The following BMI1 variants were observed in gnomAD, a reference collection of about 807,000 sequenced individuals.
BMI1 encodes the protein polycomb complex protein BMI-1.
BMI1 carries 9 observed loss-of-function variants against 39.1 expected under a neutral mutation model. The ratio of observed to expected loss-of-function variants is 0.23; its 90% CI spans 0.14 to 0.40. BMI1 has a LOEUF of 0.40. Among genes scored for constraint, BMI1 ranks in the 10% least tolerant of loss-of-function variants. The pLI, the probability that BMI1 is intolerant of heterozygous loss-of-function variation, is 1.00. For missense variants in BMI1, 252 were observed against 390.8 expected (o/e 0.64, Z 2.99); for synonymous variants, 131 against 127.9 (o/e 1.02, Z -0.16).
At chr10:22,325,761 G>C (rs917068976) in intron 1 of BMI1, 9 of 152,022 alleles carry the variant, frequency 5.9e-5, no homozygotes, top group Non-Finnish European at 8.8e-5. Context: ...ACCGAGGCGA[G>C]TTCCGAATCC....
intron 1 of BMI1, among the ~76,000 whole-genome samples, chr10:22,322,783 C>T (rs979939997): frequency 6.6e-6 from 1 of 152,152 alleles, no homozygotes; most frequent in African/African-American, 2.4e-5. Context: ...CAAAGGGATG[C>T]TTTAGAAAAG....
At chr10:22,328,499 T>G in intron 7 of BMI1, 101 bp from the exon 8 acceptor site, 1 of 1,255,308 alleles carries the variant, frequency 8.0e-7, no homozygotes. Context: ...CACCTCCAAT[T>G]TTGTTTGATA....
At chr10:22,322,514 G>T (rs1383809806) in intron 1 of BMI1, among the ~76,000 whole-genome samples, 4 of 152,224 alleles carry the variant, frequency 2.6e-5, no homozygotes, top group African/African-American at 7.2e-5. Flanking sequence ...TTGGATAAGT[G>T]CTCTGAACAT....
At chr10:22,328,548 T>C in intron 7 of BMI1, 52 bp from the exon 8 acceptor site, 5 of 1,547,718 alleles carry the variant, frequency 3.2e-6, no homozygotes, top group African/African-American at 1.4e-5. Flanking sequence ...ATTGAAACTT[T>C]CTTCATATCT....
In BMI1 at chr10:22,329,426, A is replaced by G; in HGVS notation, c.865A>G (p.Ile289Val). Reference protein sequence around the residue: ...VQSPHPQFPHISSTMNGTSNS... With the variant: ...VQSPHPQFPHVSSTMNGTSNS... ...GTCTCCTCATCCACAGTTTCCTCAC[A>G]TTTCCAGTACTATGAATGGAACCAG... Residue 289 changes from isoleucine to valine, a missense_variant, in exon 10 of 10, where the codon ATT (isoleucine) becomes GTT (valine). Coordinates refer to ENST00000376663, the MANE Select transcript of BMI1 (RefSeq NM_005180.9). 1 of 1,614,134 alleles carries G rather than the reference A, an allele frequency of 6.2e-7. No homozygotes were observed.
At chr10:22,325,748 C>T (rs1382905555) in intron 1 of BMI1, 2 of 151,892 alleles carry the variant, frequency 1.3e-5, no homozygotes, top group Non-Finnish European at 2.9e-5. Context: ...TATGGAAACC[C>T]CGACCGAGGC....
Position 22,329,090 on chromosome 10 carries a change from A to T in BMI1, c.613A>T (p.Thr205Ser). Residue 205 changes from threonine to serine, a missense_variant, in exon 9 of 10, where the codon ACA (threonine) becomes TCA (serine). Thr to Ser is a moderately conservative substitution (Grantham distance 58). Transcript: ENST00000376663. ...YEEEPLKDYYTLMDIAYIYTW... is the reference protein window; with the variant it reads ...YEEEPLKDYYSLMDIAYIYTW... ...GGAGGAACCTTTAAAGGATTATTAT[A>T]CACTAATGGATATTGCCTACATTTA... The T allele has an allele frequency of 6.2e-7, 1 of 1,612,464 alleles. No homozygotes were observed. Among genetic ancestry groups the T allele is most frequent in the Non-Finnish European group, 8.5e-7 (1 of 1,179,436 alleles).
intron 1 of BMI1, chr10:22,325,635 CCGCCCGCCCGCCGCCCCGCA>C (rs1196852796): frequency 5.5e-5 from 8 of 146,494 alleles, no homozygotes; most frequent in Non-Finnish European, 1.1e-4. Flanking sequence ...CCCCGCCCGC[CCGCCCGCCCGCCGCCCCGCA>C]CGCCCGCCGA....
At position 22,324,268 on chromosome 10, in the gene BMI1, CAG is replaced by C. The variant is rs1177114301; in HGVS notation, c.-19-2161_-19-2160del. On this transcript the variant is annotated intron_variant, in intron 1 of 9. Coordinates refer to ENST00000376663, the MANE Select transcript of BMI1 (RefSeq NM_005180.9). ...AGTGCAGTATGCTTTCACAGGCAAA[CAG>C]AAATATCAGCTTGCTATCTTTCTAG... 1.5e-4 allele frequency among the ~76,000 whole-genome samples: 23 copies of C among 152,254 alleles called. 1 individual carries two copies. The East Asian group carries it at 3.5e-3, about 23-fold the overall frequency.
chr10:22,326,014 C>G (rs908610995), intron 1 of BMI1: 1 of 153,652 alleles, frequency 6.5e-6, no homozygotes, highest in African/African-American at 2.4e-5. Flanking sequence ...CGGATTTTCA[C>G]TTGCAGATTC....
intron 1 of BMI1, among the ~76,000 whole-genome samples, chr10:22,325,373 T>C (rs960014314): frequency 6.6e-6 from 1 of 152,156 alleles, no homozygotes; most frequent in Non-Finnish European, 1.5e-5. Flanking sequence ...TGAAACCAGC[T>C]CTGCGCACCA....
rs539720595 is a variant in BMI1 at position 22,323,722 on chromosome 10, T to A, written c.-20+2026T>A. The stretch of plus-strand genomic sequence containing the variant: ...AACTGACAGCCCCAACTGAGTGTGT[T>A]ACAATGGCAAGTTTTAACGGTTGAG... On this transcript the variant is annotated intron_variant, in intron 1 of 9. Coordinates refer to ENST00000376663, the MANE Select transcript of BMI1 (RefSeq NM_005180.9). 2.6e-5 allele frequency among the ~76,000 whole-genome samples: 4 copies of A among 152,364 alleles called. No homozygotes were observed. In the South Asian group the frequency reaches 8.3e-4, roughly 32 times the overall value.
intron 8 of BMI1, 44 bp from the exon 9 acceptor site, chr10:22,328,995 AATGTACATT>A: frequency 6.6e-7 from 1 of 1,508,464 alleles, no homozygotes; most frequent in Non-Finnish European, 9.0e-7. Context: ...AATGACAAAA[AATGTACATT>A]TACCTTTGTT....
rs983949228 is a variant in BMI1 at position 22,329,639 on chromosome 10, C to T, written c.*97C>T. The T allele has an allele frequency of 3.1e-5, 43 of 1,404,052 alleles. No individual in the cohort carries two copies. Among genetic ancestry groups the T allele is most frequent in the African/African-American group, 8.7e-5 (6 of 69,174 alleles). The allele number at this position is 1,404,052 out of a possible 1,614,324, so 87.0% of individuals were successfully genotyped here. A position where few individuals can be genotyped will look rare whatever the true frequency, so the allele number is the denominator to read the frequency against. On this transcript the variant is annotated 3_prime_UTR_variant, in exon 10 of 10. Transcript: ENST00000376663. ...TCTAGATGCTAATACATGTGACTAT[C>T]GTCCAATTTGCTTTCTTTTGTAGTG...
At chr10:22,327,885 C>T in intron 5 of BMI1, 65 bp from the exon 6 acceptor site, 7 of 1,586,824 alleles carry the variant, frequency 4.4e-6, no homozygotes, top group South Asian at 3.5e-5. Context: ...CACTTCCATC[C>T]TCTTATATAT....
chr10:22,327,836 G>A, intron 5 of BMI1, 44 bp downstream of exon 5: 1 of 1,610,178 alleles, frequency 6.2e-7, no homozygotes, highest in Non-Finnish European at 8.5e-7. Flanking sequence ...TGGGGGGAGA[G>A]CTTATCTAGG....
At chr10:22,326,859 C>G (rs1564350383) in intron 2 of BMI1, 31 bp from the exon 3 acceptor site, 3 of 1,608,804 alleles carry the variant, frequency 1.9e-6, no homozygotes, top group East Asian at 2.2e-5. Context: ...CATTTCTAAA[C>G]ATAAAAAAAC....
At chr10:22,327,890 A>T (rs1836195190) in intron 5 of BMI1, 60 bp from the exon 6 acceptor site, 1 of 1,582,232 alleles carries the variant, frequency 6.3e-7, no homozygotes. Context: ...CCATCCTCTT[A>T]TATATAAAAT....
chr10:22,326,380 G>T (rs1836151410), intron 1 of BMI1, 51 bp from the exon 2 acceptor site: 13 of 1,601,186 alleles, frequency 8.1e-6, no homozygotes, highest in Non-Finnish European at 1.1e-5. Context: ...ATTACTAGAT[G>T]ATCTCCATTC....
Sources: gnomAD v4.1 joint callset for allele counts (sites outside exome capture counted in the v4.1 genomes callset) on GRCh38, gnomAD v4.1.1 for gene constraint, MANE v1.5 for transcripts, NCBI Gene and HGNC (gene_info 2026-07-23, HGNC 2026-07-21) for gene names.